Variants in BCR observed in about 807,000 individuals in gnomAD.
BCR encodes the protein BCR activator of RhoGEF and GTPase.
In BCR, 58 loss-of-function variants were observed where a neutral mutation model predicts 138.6. The ratio of observed to expected loss-of-function variants is 0.42; its 90% CI spans 0.34 to 0.52. The LOEUF is 0.52. Ranked by LOEUF, BCR falls within the 20% of genes least tolerant of loss-of-function variation. The pLI is 0.06. For synonymous variants in BCR, 786 were observed against 730.1 expected, an observed-to-expected ratio of 1.08 and a Z score of -1.23; for missense variants, 1,599 against 1,727.2, an observed-to-expected ratio of 0.93 and a Z score of 1.32.
intron 1 of BCR, among the ~76,000 whole-genome samples, chr22:23,203,652 G>A (rs2072580414): frequency 1.3e-5 from 2 of 152,218 alleles, no homozygotes; most frequent in South Asian, 2.1e-4. Flanking sequence ...GCCACTGGCT[G>A]TGTGACACTC....
chr22:23,298,818 G>A (rs1383396998), intron 16 of BCR, among the ~76,000 whole-genome samples: 7 of 152,116 alleles, frequency 4.6e-5, no homozygotes, highest in Non-Finnish European at 7.4e-5. Context: ...GGCTGGTCTC[G>A]AACTCCTGAC....
At chr22:23,197,079 A>G (rs1356118939) in intron 1 of BCR, among the ~76,000 whole-genome samples, 1 of 152,234 alleles carries the variant, frequency 6.6e-6, no homozygotes, top group African/African-American at 2.4e-5. Flanking sequence ...CATGCACCAC[A>G]TAACGACATT....
intron 1 of BCR, among the ~76,000 whole-genome samples, chr22:23,205,847 G>T (rs1441786423): frequency 6.6e-6 from 1 of 152,160 alleles, no homozygotes; most frequent in African/African-American, 2.4e-5. Context: ...AAAACAGGTG[G>T]CAGTGGGCTG....
chr22:23,222,193 C>T (rs2072832370), intron 1 of BCR, among the ~76,000 whole-genome samples: 1 of 152,214 alleles, frequency 6.6e-6, no homozygotes, highest in Non-Finnish European at 1.5e-5. Context: ...TCACTATGTG[C>T]TTTGTTCACT....
chr22:23,314,879 G>A (rs925325499), intron 22 of BCR, among the ~76,000 whole-genome samples, 165 bp downstream of exon 22: 4 of 152,236 alleles, frequency 2.6e-5, no homozygotes, highest in African/African-American at 9.6e-5. Context: ...AGTGATAGTG[G>A]GGGCCCAGGC....
chr22:23,305,486 T>C (rs756219644), intron 16 of BCR, among the ~76,000 whole-genome samples: 5 of 152,162 alleles, frequency 3.3e-5, no homozygotes, highest in Non-Finnish European at 5.9e-5. Flanking sequence ...CCACACTGAC[T>C]ACAAAGCAAG....
In BCR at chr22:23,218,034, G is replaced by A. The variant is rs766725017; in HGVS notation, c.1280-35765G>A. Among the ~76,000 whole-genome samples, 4 of 152,190 alleles carry A rather than the reference G, an allele frequency of 2.6e-5. No homozygotes were observed. In the East Asian group the frequency reaches 5.8e-4, roughly 22 times the overall value. On this transcript the variant is annotated intron_variant, in intron 1 of 22. Transcript: ENST00000305877. Reference sequence around the variant, plus strand: ...ATGGGCCTGGCTCCTGGGAAACTTCGGGCCTGCAGTAACCCTACTCTGACC... The same window carrying A: ...ATGGGCCTGGCTCCTGGGAAACTTCAGGCCTGCAGTAACCCTACTCTGACC...
chr22:23,215,417 C>T (rs913110774), intron 1 of BCR, among the ~76,000 whole-genome samples: 2 of 152,178 alleles, frequency 1.3e-5, no homozygotes, highest in African/African-American at 4.8e-5. Flanking sequence ...TGAGTAACTA[C>T]CATGATCACA....
chr22:23,221,906 A>G (rs543690068), intron 1 of BCR, among the ~76,000 whole-genome samples: 1 of 152,250 alleles, frequency 6.6e-6, no homozygotes, highest in Non-Finnish European at 1.5e-5. Context: ...CCTGGCTAAC[A>G]TGTTGAAACC....
At chr22:23,314,811 T>A in intron 22 of BCR, 97 bp downstream of exon 22, 3 of 1,450,636 alleles carry the variant, frequency 2.1e-6, no homozygotes, top group South Asian at 1.2e-5. Flanking sequence ...TTACTTGCAT[T>A]GTATGTGGTG....
chr22:23,271,545 G>C lies in BCR; in HGVS notation c.1874G>C (p.Arg625Thr), dbSNP rs765708044. 4 of 1,613,982 alleles carry C rather than the reference G, an allele frequency of 2.5e-6. No individual in the cohort carries two copies. In the African/African-American group the frequency reaches 5.3e-5, roughly 22 times the overall value. ...FAEISENLRA[R>T]SNKDAKDPTT... ...TTCTCTCTGCAGAACCTGAGAGCCA[G>C]AAGCAACAAAGATGCCAAGGATCCA... Residue 625 changes from arginine (R) to threonine (T), a missense_variant, in exon 6 of 23, where the codon AGA becomes ACA. By Grantham distance (71) the Arg-to-Thr change is moderately conservative. This residue lies in a region of BCR where 590 missense variants were observed against 762.4 expected (regional missense o/e 0.77). Coordinates refer to ENST00000305877, the MANE Select transcript of BCR (RefSeq NM_004327.4).
At chr22:23,236,528 G>A (rs1048064028) in intron 1 of BCR, among the ~76,000 whole-genome samples, 2 of 152,220 alleles carry the variant, frequency 1.3e-5, no homozygotes, top group African/African-American at 4.8e-5. Flanking sequence ...GCTCAGGTGG[G>A]ATTCAGGCGA....
At chr22:23,304,415 G>A (rs2073936482) in intron 16 of BCR, among the ~76,000 whole-genome samples, 1 of 152,144 alleles carries the variant, frequency 6.6e-6, no homozygotes, top group South Asian at 2.1e-4. Context: ...GCATTGTTTG[G>A]TTCCTTTTTA....
intron 4 of BCR, among the ~76,000 whole-genome samples, chr22:23,266,962 C>T (rs571393224): frequency 1.3e-5 from 2 of 152,254 alleles, no homozygotes; most frequent in African/African-American, 4.8e-5. Flanking sequence ...TGAGCTGTCA[C>T]CTCTTCTGAG....
chr22:23,270,681 T>C (rs1436426011), intron 5 of BCR, among the ~76,000 whole-genome samples: 3 of 152,170 alleles, frequency 2.0e-5, no homozygotes, highest in Non-Finnish European at 4.4e-5. Context: ...GCACAAGAGG[T>C]TGGCAGAGCA....
intron 1 of BCR, among the ~76,000 whole-genome samples, chr22:23,191,999 C>T (rs1201248066): frequency 6.6e-6 from 1 of 152,212 alleles, no homozygotes; most frequent in Non-Finnish European, 1.5e-5. Flanking sequence ...CTAGCTCTCA[C>T]TGCCACGACT....
intron 1 of BCR, among the ~76,000 whole-genome samples, chr22:23,189,707 G>A (rs990592985): frequency 1.3e-5 from 2 of 152,024 alleles, no homozygotes; most frequent in African/African-American, 4.8e-5. Context: ...TCACCATGTT[G>A]GCCAGGCTGG....
rs2074010542 is a variant in BCR at position 23,311,780 on chromosome 22, A to G, written c.3266A>G (p.Tyr1089Cys). 6.2e-7 allele frequency: 1 copy of G among 1,611,554 alleles called. No individual in the cohort carries two copies. Among genetic ancestry groups the G allele is most frequent in the Admixed American group, 1.7e-5 (1 of 59,984 alleles). Residue 1089 changes from tyrosine (Y) to cysteine (C), a missense_variant, in exon 19 of 23, where the codon TAC becomes TGC. Transcript: ENST00000305877. ...ERRGMEEVGI[Y>C]RVSGVATDIQ... ...CGAGGCATGGAGGAGGTGGGCATCTACCGCGTGTCCGGTGTGGCCACGGAC... is the reference window on the plus strand; with the variant it reads ...CGAGGCATGGAGGAGGTGGGCATCTGCCGCGTGTCCGGTGTGGCCACGGAC...
chr22:23,214,133 A>G (rs188981102), intron 1 of BCR, among the ~76,000 whole-genome samples: 163 of 151,390 alleles, frequency 1.1e-3, no homozygotes, highest in African/African-American at 3.6e-3. Flanking sequence ...TATTGTTGTT[A>G]TCGTAGTTGC....
Sources: allele counts gnomAD v4.1 joint callset (sites outside exome capture counted in the v4.1 genomes callset), GRCh38; gene constraint gnomAD v4.1.1; regional missense constraint gnomAD v4.1.1; transcripts MANE v1.5; gene names NCBI Gene and HGNC (gene_info 2026-07-23, HGNC 2026-07-21).